MACROD2: variants seen among roughly 807,000 people sequenced by gnomAD.
MACROD2 encodes mono-ADP ribosylhydrolase 2.
A neutral mutation model predicts 70.4 loss-of-function variants in MACROD2; 36 were observed. The ratio of observed to expected loss-of-function variants is 0.51; its 90% CI spans 0.39 to 0.68. MACROD2 has a LOEUF of 0.68. Ranked by LOEUF, MACROD2 falls within the 30% of genes least tolerant of loss-of-function variation. MACROD2 has a pLI of 0.00. For missense variants in MACROD2, 496 were observed against 538.4 expected (o/e 0.92, Z 0.78); for synonymous variants, 172 against 178.8 (o/e 0.96, Z 0.30).
At chr20:14,553,499 C>A (rs1444649788) in intron 4 of MACROD2, among the ~76,000 whole-genome samples, 2 of 148,392 alleles carry the variant, frequency 1.3e-5, no homozygotes, top group Non-Finnish European at 3.0e-5. Context: ...GTAACATAGT[C>A]TTTCATTATC....
intron 3 of MACROD2, among the ~76,000 whole-genome samples, chr20:14,191,458 G>A (rs1161576001): frequency 1.3e-5 from 2 of 152,084 alleles, no homozygotes; most frequent in African/African-American, 4.8e-5. Context: ...AAATATTTAA[G>A]TAGTGATATC....
intron 5 of MACROD2, among the ~76,000 whole-genome samples, chr20:14,965,685 G>A (rs6034073): frequency 0.02 from 3,080 of 151,102 alleles, 114 homozygotes; most frequent in African/African-American, 0.069. Flanking sequence ...AGCCAGGATG[G>A]TCTCGATCTC....
chr20:15,914,671 C>T (rs1418446007), intron 10 of MACROD2, among the ~76,000 whole-genome samples: 1 of 152,128 alleles, frequency 6.6e-6, no homozygotes, highest in Non-Finnish European at 1.5e-5. Context: ...TCTAGTTCTC[C>T]AGACACCAAT....
intron 7 of MACROD2, among the ~76,000 whole-genome samples, chr20:15,498,172 T>C (rs1202120571): frequency 2.6e-5 from 4 of 152,188 alleles, no homozygotes; most frequent in Admixed American, 6.5e-5. Flanking sequence ...TTTGTCCCCT[T>C]TCTTAATGAA....
intron 8 of MACROD2, among the ~76,000 whole-genome samples, chr20:15,709,014 T>C (rs971482011): frequency 2.0e-5 from 3 of 152,056 alleles, no homozygotes; most frequent in Non-Finnish European, 4.4e-5. Context: ...TGACACCCTA[T>C]CTCTAAAAAT....
intron 8 of MACROD2, among the ~76,000 whole-genome samples, chr20:15,665,624 A>G (rs981271603): frequency 1.4e-4 from 21 of 152,140 alleles, no homozygotes; most frequent in African/African-American, 5.1e-4. Context: ...TGCTTCTTCA[A>G]CCCCATCCTA....
chr20:14,592,441 T>A (rs58513072), intron 4 of MACROD2, among the ~76,000 whole-genome samples: 3,696 of 152,262 alleles, frequency 0.024, 109 homozygotes, highest in Middle Eastern at 0.065. Context: ...TTTGTTTTTC[T>A]GAGACACAAT....
At chr20:14,600,046 C>T (rs1982384792) in intron 4 of MACROD2, among the ~76,000 whole-genome samples, 1 of 152,094 alleles carries the variant, frequency 6.6e-6, no homozygotes, top group South Asian at 2.1e-4. Context: ...GCTACTGAGT[C>T]CACCACACTG....
chr20:14,946,813 A>G (rs1395481394), intron 5 of MACROD2, among the ~76,000 whole-genome samples: 5 of 152,210 alleles, frequency 3.3e-5, no homozygotes, highest in Non-Finnish European at 5.9e-5. Flanking sequence ...CTTTTAATTC[A>G]CTTTCATTCC....
At chr20:15,300,587 C>A (rs944399623) in intron 6 of MACROD2, among the ~76,000 whole-genome samples, 7 of 152,190 alleles carry the variant, frequency 4.6e-5, no homozygotes, top group African/African-American at 1.7e-4. Flanking sequence ...CTAGGTGATT[C>A]ATGTGCATAT....
At chr20:14,415,422 G>T (rs1267324293) in intron 3 of MACROD2, among the ~76,000 whole-genome samples, 3 of 151,924 alleles carry the variant, frequency 2.0e-5, no homozygotes, top group African/African-American at 7.3e-5. Flanking sequence ...ACGGCCAATT[G>T]TGTGACCACC....
chr20:14,151,811 C>CTTTTTT (rs144065987), intron 3 of MACROD2, among the ~76,000 whole-genome samples: 16 of 59,220 alleles, frequency 2.7e-4, no homozygotes, highest in East Asian at 5.8e-4. Context: ...TGTATTGTAT[C>CTTTTTT]TTTTTTTTTT....
At chr20:14,597,130 C>T (rs1436535760) in intron 4 of MACROD2, among the ~76,000 whole-genome samples, 1 of 152,020 alleles carries the variant, frequency 6.6e-6, no homozygotes, top group Non-Finnish European at 1.5e-5. Context: ...TTTTAAAAAG[C>T]ATAAAGCCAT....
chr20:15,928,279 A>G (rs1232198476), intron 10 of MACROD2, among the ~76,000 whole-genome samples: 6 of 152,216 alleles, frequency 3.9e-5, no homozygotes, highest in Admixed American at 3.9e-4. Context: ...GTTGCTTAAA[A>G]TTATTCCAGA....
intron 5 of MACROD2, among the ~76,000 whole-genome samples, chr20:15,185,199 T>G (rs928674607): frequency 3.3e-5 from 5 of 152,170 alleles, no homozygotes; most frequent in African/African-American, 1.2e-4. Context: ...AATTGATGAA[T>G]GAATGAGTTT....
intron 6 of MACROD2, among the ~76,000 whole-genome samples, chr20:15,231,923 G>T (rs2076962269): frequency 6.6e-6 from 1 of 151,990 alleles, no homozygotes; most frequent in Non-Finnish European, 1.5e-5. Context: ...AAATAAAAAT[G>T]GAGATAGAAA....
chr20:14,380,585 G>A (rs1381530858), intron 3 of MACROD2, among the ~76,000 whole-genome samples: 1 of 152,120 alleles, frequency 6.6e-6, no homozygotes, highest in Non-Finnish European at 1.5e-5. Context: ...GTTAATATTA[G>A]TATGAAGTGG....
At chr20:14,169,295 A>C (rs1413346322) in intron 3 of MACROD2, among the ~76,000 whole-genome samples, 1 of 151,388 alleles carries the variant, frequency 6.6e-6, no homozygotes, top group African/African-American at 2.4e-5. Context: ...AAACTTATCA[A>C]TTATACTTTT....
intron 15 of MACROD2, among the ~76,000 whole-genome samples, chr20:16,011,302 C>A (rs2066859602): frequency 6.6e-6 from 1 of 152,134 alleles, no homozygotes; most frequent in Non-Finnish European, 1.5e-5. Flanking sequence ...TCTGTGAGGC[C>A]AAAACAAAGC....
Sources: allele counts gnomAD v4.1 joint callset (sites outside exome capture counted in the v4.1 genomes callset), GRCh38; gene constraint gnomAD v4.1.1; transcripts MANE v1.5; gene names NCBI Gene and HGNC (gene_info 2026-07-23, HGNC 2026-07-21).